MYO1D: variants seen among roughly 807,000 people sequenced by gnomAD.
The protein encoded by MYO1D is myosin ID.
MYO1D carries 83 observed loss-of-function variants against 122.0 expected under a neutral mutation model. The observed-to-expected ratio is 0.68, with a 90% CI of 0.57 to 0.82. The LOEUF is 0.82. Ranked by LOEUF, MYO1D falls within the 40% of genes least tolerant of loss-of-function variation. MYO1D has a pLI of 0.00. For synonymous variants in MYO1D, 464 were observed against 446.9 expected, an observed-to-expected ratio of 1.04 and a Z score of -0.48; for missense variants, 1,157 against 1,269.5, an observed-to-expected ratio of 0.91 and a Z score of 1.35.
intron 1 of MYO1D, among the ~76,000 whole-genome samples, chr17:32,786,803 G>A (rs1472072822): frequency 6.6e-6 from 1 of 151,988 alleles, no homozygotes; most frequent in African/African-American, 2.4e-5. Flanking sequence ...CTGGGTGAAA[G>A]AGCAAAACTC....
At chr17:32,743,949 C>T (rs140350705) in intron 13 of MYO1D, among the ~76,000 whole-genome samples, 9 of 152,302 alleles carry the variant, frequency 5.9e-5, no homozygotes, top group Admixed American at 2.0e-4. Context: ...GCCTCCTTTA[C>T]TGTCTATTTC....
chr17:32,632,580 TATATATACACACACACACAC>T (rs1352208396), intron 20 of MYO1D: 1 of 94,426 alleles, frequency 1.1e-5, no homozygotes, highest in African/African-American at 6.2e-5. Context: ...TATATATATA[TATATATACACACACACACAC>T]ACACACACAC....
At chr17:32,651,328 CT>C (rs2088384638) in intron 19 of MYO1D, among the ~76,000 whole-genome samples, 1 of 152,178 alleles carries the variant, frequency 6.6e-6, no homozygotes, top group Admixed American at 6.5e-5. Flanking sequence ...CTGATCAGTA[CT>C]CAGACGAACA....
At chr17:32,848,889 T>C (rs1317225345) in intron 1 of MYO1D, among the ~76,000 whole-genome samples, 1 of 152,208 alleles carries the variant, frequency 6.6e-6, no homozygotes, top group East Asian at 1.9e-4. Flanking sequence ...GGCTCCTAGA[T>C]GACCATTTCA....
intron 14 of MYO1D, among the ~76,000 whole-genome samples, chr17:32,724,964 T>C (rs1310597786): frequency 1.3e-5 from 2 of 152,122 alleles, no homozygotes; most frequent in Non-Finnish European, 2.9e-5. Context: ...GACATGTAAG[T>C]AGCCAAGTAA....
rs140284567 is a variant in MYO1D at position 32,702,576 on chromosome 17, C to T, written c.2121+9412G>A. Among the ~76,000 whole-genome samples the T allele has an allele frequency of 3.7e-3, 565 of 152,180 alleles. 2 individuals carry two copies. The highest frequency in any genetic ancestry group is 0.013 in the African/African-American group (533 of 41,516). On this transcript the variant is annotated intron_variant, in intron 16 of 21. Transcript: ENST00000318217. ...CTCCACTCATTCCTTTGTCCCTCCT[C>T]GCCCCCCAGTGCTATTCTGCTTTTG...
At chr17:32,589,388 T>A (rs765815109) in intron 21 of MYO1D, among the ~76,000 whole-genome samples, 2 of 152,206 alleles carry the variant, frequency 1.3e-5, no homozygotes, top group Non-Finnish European at 2.9e-5. Context: ...ATAAGTCTTC[T>A]CTGATCCAAA....
chr17:32,818,273 A>G (rs2090630934), intron 1 of MYO1D, among the ~76,000 whole-genome samples: 1 of 152,034 alleles, frequency 6.6e-6, no homozygotes, highest in Admixed American at 6.6e-5. Flanking sequence ...AGTCTTAGTG[A>G]TGCTTCTGTT....
At chr17:32,779,397 C>T (rs1018824036) in intron 2 of MYO1D, among the ~76,000 whole-genome samples, 4 of 151,336 alleles carry the variant, frequency 2.6e-5, no homozygotes, top group Non-Finnish European at 4.4e-5. Flanking sequence ...AATGCACTAG[C>T]TCTATAGAAA....
At chr17:32,603,532 T>TA (rs1325058257) in intron 21 of MYO1D, among the ~76,000 whole-genome samples, 2 of 147,380 alleles carry the variant, frequency 1.4e-5, no homozygotes, top group East Asian at 3.9e-4. Flanking sequence ...TTTTTTTTTT[T>TA]TTTTTTTTTT....
At chr17:32,753,352 C>T (rs753575672) in intron 11 of MYO1D, among the ~76,000 whole-genome samples, 3 of 152,010 alleles carry the variant, frequency 2.0e-5, no homozygotes, top group Middle Eastern at 3.4e-3. Context: ...AATATATCCA[C>T]GTAACAAACC....
intron 21 of MYO1D, among the ~76,000 whole-genome samples, chr17:32,581,088 G>A (rs985032840): frequency 2.0e-5 from 3 of 152,106 alleles, no homozygotes; most frequent in Admixed American, 6.5e-5. Flanking sequence ...AGTTTCCCTT[G>A]TGGAAAGGTT....
At chr17:32,802,097 G>A (rs1003581409) in intron 1 of MYO1D, among the ~76,000 whole-genome samples, 3 of 152,186 alleles carry the variant, frequency 2.0e-5, no homozygotes, top group African/African-American at 4.8e-5. Flanking sequence ...TTGATTACAA[G>A]GGAGAACAGA....
chr17:32,751,315 C>A (rs921836098), intron 11 of MYO1D, among the ~76,000 whole-genome samples: 1 of 152,026 alleles, frequency 6.6e-6, no homozygotes, highest in African/African-American at 2.4e-5. Flanking sequence ...GCTCAACACA[C>A]AGAATAGCAT....
intron 21 of MYO1D, among the ~76,000 whole-genome samples, chr17:32,523,121 G>C (rs1597874617): frequency 6.6e-6 from 1 of 152,156 alleles, no homozygotes; most frequent in Non-Finnish European, 1.5e-5. Context: ...GGCCCCCCAT[G>C]CCTCTTAGAC....
chr17:32,620,296 AG>A (rs1385633508), intron 20 of MYO1D, among the ~76,000 whole-genome samples: 1 of 152,178 alleles, frequency 6.6e-6, no homozygotes, highest in Non-Finnish European at 1.5e-5. Flanking sequence ...CTGCCAGGTG[AG>A]GGTGGAGGGC....
At chr17:32,861,615 T>C in intron 1 of MYO1D, among the ~76,000 whole-genome samples, 1 of 152,134 alleles carries the variant, frequency 6.6e-6, no homozygotes, top group East Asian at 1.9e-4. Flanking sequence ...CAAAGTGTGG[T>C]CCCTGATGAG....
At chr17:32,541,290 T>G (rs1910830935) in intron 21 of MYO1D, among the ~76,000 whole-genome samples, 1 of 152,228 alleles carries the variant, frequency 6.6e-6, no homozygotes, top group Non-Finnish European at 1.5e-5. Context: ...ACAACATGGA[T>G]GAACCTTGAA....
chr17:32,562,216 C>T (rs2150890957), intron 21 of MYO1D, among the ~76,000 whole-genome samples: 1 of 151,988 alleles, frequency 6.6e-6, no homozygotes, highest in Middle Eastern at 3.4e-3. Context: ...GGCTGATACG[C>T]TCGTTCTTTC....
Sources: allele counts gnomAD v4.1 joint callset (sites outside exome capture counted in the v4.1 genomes callset), GRCh38; gene constraint gnomAD v4.1.1; transcripts MANE v1.5; gene names NCBI Gene and HGNC (gene_info 2026-07-23, HGNC 2026-07-21).